Variants in TRIP12 observed in about 807,000 individuals in gnomAD.
The protein encoded by TRIP12 is E3 ubiquitin-protein ligase TRIP12.
TRIP12 carries 25 observed loss-of-function variants against 244.2 expected under a neutral mutation model. The observed-to-expected ratio is 0.10, with a 90% CI of 0.07 to 0.14. The LOEUF is 0.14. TRIP12 is among the 10% of genes least tolerant of loss of function. The pLI, the probability that TRIP12 is intolerant of heterozygous loss-of-function variation, is 1.00. For missense variants in TRIP12, 1,677 were observed against 2,486.4 expected, an observed-to-expected ratio of 0.67 and a Z score of 6.92; for synonymous variants, 905 against 873.1, an observed-to-expected ratio of 1.04 and a Z score of -0.64.
chr2:229,827,499 T>A (rs2052028736), intron 8 of TRIP12, among the ~76,000 whole-genome samples: 1 of 152,152 alleles, frequency 6.6e-6, no homozygotes, highest in African/African-American at 2.4e-5. Context: ...TATTAAACTG[T>A]CTTTTAAAAC....
chr2:229,803,132 T>C (rs77742589), intron 20 of TRIP12, among the ~76,000 whole-genome samples: 10,894 of 152,278 alleles, frequency 0.072, 532 homozygotes, highest in Non-Finnish European at 0.1. Flanking sequence ...GAGCACACGT[T>C]CACATTTTTC....
At chr2:229,867,296 G>A (rs1288792924) in intron 2 of TRIP12, among the ~76,000 whole-genome samples, 1 of 151,672 alleles carries the variant, frequency 6.6e-6, no homozygotes, top group African/African-American at 2.4e-5. Flanking sequence ...CACCTGAGTA[G>A]CTAGGACTAC....
Position 229,763,968 on chromosome 2 carries a change from A to G in TRIP12, c.*3586T>C, listed in dbSNP as rs1402817843. On this transcript the variant is annotated 3_prime_UTR_variant, in exon 42 of 42. Coordinates refer to ENST00000675903, the MANE Select transcript of TRIP12 (RefSeq NM_001348323.3). ...TCATATAAATCACTGTTTCAGATAA[A>G]AGGAAAAAAATGCTTTACACAGGAG... 1.3e-5 allele frequency: 2 copies of G among 152,210 alleles called. No individual in the cohort carries two copies. Among genetic ancestry groups the G allele is most frequent in the Non-Finnish European group, 2.9e-5 (2 of 68,038 alleles). The allele number at this position is 152,210 out of a possible 1,614,324, so 9.4% of individuals were successfully genotyped here.
In TRIP12 at chr2:229,851,857, C is replaced by T. The variant is rs149184705; in HGVS notation, c.1027+6915G>A. 3.9e-3 allele frequency among the ~76,000 whole-genome samples: 587 copies of T among 152,296 alleles called. 1 individual carries two copies. Among genetic ancestry groups the T allele is most frequent in the Middle Eastern group, 0.01 (3 of 294 alleles). On this transcript the variant is annotated intron_variant, in intron 4 of 41. Coordinates refer to ENST00000675903, the MANE Select transcript of TRIP12 (RefSeq NM_001348323.3). The stretch of plus-strand genomic sequence containing the variant: ...GAAGGAACAAACTCCAGACGCGCCA[C>T]CTTAAGAGCTGTAACACTCACCATG...
chr2:229,891,707 G>A (rs1011644014), intron 1 of TRIP12, among the ~76,000 whole-genome samples: 1 of 152,168 alleles, frequency 6.6e-6, no homozygotes, highest in African/African-American at 2.4e-5. Context: ...ACAGATTTAC[G>A]CTATTGTTTT....
intron 2 of TRIP12, among the ~76,000 whole-genome samples, chr2:229,864,001 TGAAA>T (rs1381689423): frequency 0.061 from 6,909 of 112,392 alleles, 150 homozygotes; most frequent in Non-Finnish European, 0.083. Context: ...AAGATTTGGG[TGAAA>T]GAGAGAGAGA....
chr2:229,872,573 T>A (rs1381725935), intron 2 of TRIP12, among the ~76,000 whole-genome samples: 2 of 151,506 alleles, frequency 1.3e-5, no homozygotes, highest in East Asian at 3.9e-4. Context: ...CCAAAAAAAA[T>A]AAAGAAAAAG....
intron 4 of TRIP12, among the ~76,000 whole-genome samples, chr2:229,848,583 C>T (rs2058053633): frequency 6.6e-6 from 1 of 151,930 alleles, no homozygotes; most frequent in Non-Finnish European, 1.5e-5. Flanking sequence ...AGATCAAGAC[C>T]ATTTAAGAGG....
At chr2:229,791,103 C>T in intron 30 of TRIP12, 21 bp downstream of exon 30, 1 of 1,613,050 alleles carries the variant, frequency 6.2e-7, no homozygotes, top group Non-Finnish European at 8.5e-7. Context: ...AATCCATTTT[C>T]CCCTTTATCT....
At chr2:229,864,089 C>A (rs551682566) in intron 2 of TRIP12, among the ~76,000 whole-genome samples, 1 of 150,760 alleles carries the variant, frequency 6.6e-6, no homozygotes, top group Non-Finnish European at 1.5e-5. Flanking sequence ...CACGCGCACA[C>A]GTGCACACAT....
rs753476977 is a variant in TRIP12, at chr2:229,859,017, C to G, written c.782G>C (p.Gly261Ala). Residue 261 changes from glycine to alanine, a missense_variant, in exon 4 of 42, where the codon GGT (glycine) becomes GCT (alanine). By Grantham distance (60) the Gly-to-Ala change is moderately conservative (BLOSUM62 0). Around this residue, in one of 11 missense-constraint regions of TRIP12, gnomAD observed 387 missense variants for 392.6 expected, o/e 0.99. Coordinates refer to ENST00000675903, the MANE Select transcript of TRIP12 (RefSeq NM_001348323.3). ...VASASSTVPP[G>A]ARVKQGKDQN... ...ATCTTTTCCTTGTTTCACTCTGGCA[C>G]CTGGTGGTACAGTGGAGGAGGCCGA... The G allele has an allele frequency of 6.2e-7, 1 of 1,614,168 alleles. No individual in the cohort carries two copies. Among genetic ancestry groups the G allele is most frequent in the South Asian group, 1.1e-5 (1 of 91,078 alleles).
intron 8 of TRIP12, among the ~76,000 whole-genome samples, chr2:229,825,806 T>C (rs1408584261): frequency 6.6e-6 from 1 of 152,182 alleles, no homozygotes; most frequent in Non-Finnish European, 1.5e-5. Context: ...TGGCACATCT[T>C]GTCATACCAG....
intron 1 of TRIP12, among the ~76,000 whole-genome samples, chr2:229,909,519 C>T (rs1322405684): frequency 6.6e-6 from 1 of 151,186 alleles, no homozygotes; most frequent in Non-Finnish European, 1.5e-5. Flanking sequence ...GACTGTGCCA[C>T]TGGACTCCAG....
At chr2:229,870,086 A>AAT (rs1347844520) in intron 2 of TRIP12, among the ~76,000 whole-genome samples, 1 of 152,222 alleles carries the variant, frequency 6.6e-6, no homozygotes, top group Admixed American at 6.5e-5. Context: ...AAGGTTAAGG[A>AAT]ATAGCTAACA....
chr2:229,796,169 T>C (rs747894626), intron 25 of TRIP12, among the ~76,000 whole-genome samples: 15 of 152,224 alleles, frequency 9.9e-5, no homozygotes, highest in African/African-American at 1.4e-4. Flanking sequence ...GCGCCCTTGA[T>C]TGGAACTGTT....
intron 39 of TRIP12, among the ~76,000 whole-genome samples, chr2:229,770,219 T>C (rs889419467): frequency 7.2e-5 from 11 of 152,168 alleles, no homozygotes; most frequent in African/African-American, 2.7e-4. Context: ...TCTTCCCACC[T>C]CCATCTCCCA....
At chr2:229,839,778 G>C (rs1001134737) in intron 5 of TRIP12, among the ~76,000 whole-genome samples, 1 of 152,062 alleles carries the variant, frequency 6.6e-6, no homozygotes, top group Non-Finnish European at 1.5e-5. Flanking sequence ...CTGACTAACC[G>C]ACCAAGCCTG....
intron 4 of TRIP12, among the ~76,000 whole-genome samples, chr2:229,857,744 C>T (rs78230964): frequency 0.014 from 2,148 of 152,268 alleles, 53 homozygotes; most frequent in African/African-American, 0.048. Flanking sequence ...GAGAAGAGTT[C>T]CTGGATATCT....
At chr2:229,775,459 G>A (rs962927365) in intron 37 of TRIP12, among the ~76,000 whole-genome samples, 1 of 149,634 alleles carries the variant, frequency 6.7e-6, no homozygotes, top group Non-Finnish European at 1.5e-5. Flanking sequence ...ACTATCCTCT[G>A]TGACTCCCTG....
Sources: allele counts gnomAD v4.1 joint callset (sites outside exome capture counted in the v4.1 genomes callset), GRCh38; gene constraint gnomAD v4.1.1; regional missense constraint gnomAD v4.1.1; transcripts MANE v1.5; gene names NCBI Gene and HGNC (gene_info 2026-07-23, HGNC 2026-07-21).